PRKAR2A: variants seen among roughly 807,000 people sequenced by gnomAD.
PRKAR2A encodes cAMP-dependent protein kinase type II-alpha regulatory subunit.
A neutral mutation model predicts 51.9 loss-of-function variants in PRKAR2A; 29 were observed. That is an observed-to-expected ratio of 0.56 (90% CI 0.42 to 0.76). PRKAR2A has a LOEUF of 0.76. Ranked by LOEUF, PRKAR2A falls within the 30% of genes least tolerant of loss-of-function variation. The pLI is 0.00. For missense variants in PRKAR2A, 445 were observed against 512.1 expected (o/e 0.87, Z 1.26); for synonymous variants, 178 against 186.2 (o/e 0.96, Z 0.36).
intron 1 of PRKAR2A, among the ~76,000 whole-genome samples, chr3:48,829,819 G>T (rs2083150957): frequency 1.9e-5 from 2 of 107,500 alleles, no homozygotes; most frequent in African/African-American, 6.9e-5. Context: ...ATATATGTAT[G>T]TATATACATA....
chr3:48,797,327 C>T (rs2082512545), intron 2 of PRKAR2A, among the ~76,000 whole-genome samples: 2 of 152,040 alleles, frequency 1.3e-5, no homozygotes, highest in Admixed American at 1.3e-4. Flanking sequence ...AGCCACCACA[C>T]CCAGCTAATT....
At chr3:48,820,465 C>A (rs1024738051) in intron 1 of PRKAR2A, among the ~76,000 whole-genome samples, 1 of 152,144 alleles carries the variant, frequency 6.6e-6, no homozygotes, top group Non-Finnish European at 1.5e-5. Flanking sequence ...CTCCTTAATT[C>A]TCTTGCACAT....
intron 6 of PRKAR2A, 21 bp from the exon 7 acceptor site, chr3:48,765,370 A>G (rs756857791): frequency 2.0e-6 from 3 of 1,519,374 alleles, no homozygotes; most frequent in Non-Finnish European, 2.7e-6. Flanking sequence ...GAATATGAAA[A>G]TTCTAGTAAA....
chr3:48,829,421 A>G (rs1285586220), intron 1 of PRKAR2A, among the ~76,000 whole-genome samples: 1 of 151,336 alleles, frequency 6.6e-6, no homozygotes, highest in Non-Finnish European at 1.5e-5. Flanking sequence ...TAGGAGGCTG[A>G]GGCAGGAGAA....
rs1450769016 is a variant in PRKAR2A at position 48,794,027 on chromosome 3, A to G, written c.321T>C (p.Pro107=). The change falls in exon 3 of 11, where the codon CCT becomes CCC. Residue 107 remains proline (P), a synonymous_variant. Coordinates refer to ENST00000265563, the MANE Select transcript of PRKAR2A (RefSeq NM_004157.4). ...GATCTGTATCTTCCTCTTCCTCATC[A>G]GGGTTATAGGTCTCAGCACAGACTA... ...RVSVCAETYN[P]DEEEEDTDPR... is the part of the protein sequence containing the mutation. 1.2e-6 allele frequency: 2 copies of G among 1,605,702 alleles called. No homozygotes were observed. Among genetic ancestry groups the G allele is most frequent in the Admixed American group, 1.7e-5 (1 of 59,964 alleles).
intron 1 of PRKAR2A, among the ~76,000 whole-genome samples, chr3:48,843,493 T>A (rs939581453): frequency 2.0e-5 from 3 of 152,032 alleles, no homozygotes; most frequent in Non-Finnish European, 2.9e-5. Context: ...TACTTTAAAG[T>A]TCATATGGAA....
intron 5 of PRKAR2A, among the ~76,000 whole-genome samples, chr3:48,777,354 T>C (rs2082121260): frequency 6.6e-6 from 1 of 152,138 alleles, no homozygotes; most frequent in African/African-American, 2.4e-5. Context: ...GAAAAAATAA[T>C]GGAATCATAC....
intron 6 of PRKAR2A, among the ~76,000 whole-genome samples, chr3:48,772,084 G>T (rs930420050): frequency 1.3e-5 from 2 of 152,182 alleles, no homozygotes; most frequent in Non-Finnish European, 2.9e-5. Flanking sequence ...AATATCCCTA[G>T]ATAGTCTGCC....
At chr3:48,844,242 A>G (rs1297155779) in intron 1 of PRKAR2A, among the ~76,000 whole-genome samples, 1 of 152,230 alleles carries the variant, frequency 6.6e-6, no homozygotes. Context: ...AAAAATGCTC[A>G]TCATCACTGG....
chr3:48,768,025 G>A (rs1183445715), intron 6 of PRKAR2A, among the ~76,000 whole-genome samples: 8 of 150,406 alleles, frequency 5.3e-5, no homozygotes, highest in Admixed American at 6.6e-5. Flanking sequence ...AGTGGCTCAC[G>A]ACTGTATTCC....
chr3:48,799,827 T>C (rs1445062935), intron 2 of PRKAR2A, among the ~76,000 whole-genome samples: 6 of 152,198 alleles, frequency 3.9e-5, no homozygotes, highest in Non-Finnish European at 7.3e-5. Context: ...ATTTAATAAA[T>C]AAAAGTTGGG....
intron 2 of PRKAR2A, among the ~76,000 whole-genome samples, chr3:48,801,287 G>A (rs1358095838): frequency 1.3e-5 from 2 of 152,008 alleles, no homozygotes; most frequent in Non-Finnish European, 2.9e-5. Context: ...CAGGTAGCTG[G>A]GATTACAGGC....
chr3:48,778,200 G>A (rs1237236548), intron 5 of PRKAR2A, among the ~76,000 whole-genome samples: 1 of 152,052 alleles, frequency 6.6e-6, no homozygotes, highest in Non-Finnish European at 1.5e-5. Context: ...TCACTATGTT[G>A]CCCAGGCTAG....
intron 1 of PRKAR2A, among the ~76,000 whole-genome samples, chr3:48,826,065 T>C (rs2083058275): frequency 6.6e-6 from 1 of 152,146 alleles, no homozygotes. Context: ...GAGTTTGAGA[T>C]CGGCCCGGGC....
rs958998302 is a variant in PRKAR2A at position 48,847,809 on chromosome 3, A to AGCC, written c.-216_-214dup. 20 of 435,762 alleles carry AGCC rather than the reference A, an allele frequency of 4.6e-5. No individual in the cohort carries two copies. The highest frequency in any genetic ancestry group is 9.2e-5 in the Admixed American group (2 of 21,788). 27.0% of individuals were successfully genotyped at this position (435,762 alleles called of 1,614,324 possible). A position where few individuals can be genotyped will look rare whatever the true frequency, so the allele number is the denominator to read the frequency against. ...GGCACCGCCGCCGCTGTCACTGGGC[A>AGCC]GCCGCCGCCGCCGCGGGGACCGACG... On this transcript the variant is annotated 5_prime_UTR_variant, in exon 1 of 11. Transcript: ENST00000265563. The surrounding 1 kb of genome is among the most constrained non-coding windows in gnomAD (Gnocchi z 4.4).
chr3:48,825,028 CTTTTTTTTT>C (rs1168503342), intron 1 of PRKAR2A, among the ~76,000 whole-genome samples: 1 of 74,688 alleles, frequency 1.3e-5, no homozygotes, highest in Non-Finnish European at 2.4e-5. Flanking sequence ...ATTTTCTTTT[CTTTTTTTTT>C]TTTTTTTTTT....
At position 48,788,866 on chromosome 3, in the gene PRKAR2A, T is replaced by C. The variant is rs530463435; in HGVS notation, c.435+1678A>G. 1.5e-4 allele frequency among the ~76,000 whole-genome samples: 23 copies of C among 152,226 alleles called. No individual in the cohort carries two copies. In the South Asian group the frequency reaches 4.6e-3, roughly 30 times the overall value. ...CCACCCAGGTTACAGTATTTTGTTA[T>C]AGCAGCCCAAATGTACTAGGACACC... is the stretch of plus-strand genomic sequence containing the variant. On this transcript the variant is annotated intron_variant, in intron 4 of 10. Transcript: ENST00000265563.
At chr3:48,789,770 G>A (rs1273405806) in intron 4 of PRKAR2A, among the ~76,000 whole-genome samples, 2 of 151,984 alleles carry the variant, frequency 1.3e-5, no homozygotes, top group African/African-American at 4.8e-5. Context: ...ACCGCACCCA[G>A]CCAGAAGATT....
intron 5 of PRKAR2A, among the ~76,000 whole-genome samples, chr3:48,781,941 A>G (rs2082203581): frequency 6.6e-6 from 1 of 152,142 alleles, no homozygotes; most frequent in South Asian, 2.1e-4. Flanking sequence ...CCACCGCACC[A>G]GGCCTATGAT....
Sources: gnomAD v4.1 joint callset for allele counts (sites outside exome capture counted in the v4.1 genomes callset) on GRCh38, gnomAD v4.1.1 for gene constraint, Gnocchi (gnomAD v3.1) non-coding constraint, MANE v1.5 for transcripts, NCBI Gene and HGNC (gene_info 2026-07-23, HGNC 2026-07-21) for gene names.